Variants in CYTH1 observed in about 807,000 individuals in gnomAD.
The protein encoded by CYTH1 is cytohesin-1.
Under a neutral mutation model 61.8 loss-of-function variants are expected in CYTH1, and 18 were observed. The ratio of observed to expected loss-of-function variants is 0.29; its 90% CI spans 0.20 to 0.43. CYTH1 has a LOEUF of 0.43. Among genes scored for constraint, CYTH1 ranks in the 20% least tolerant of loss-of-function variants. The pLI, the probability that CYTH1 is intolerant of heterozygous loss-of-function variation, is 1.00. For missense variants in CYTH1, 336 were observed against 510.5 expected, an observed-to-expected ratio of 0.66 and a Z score of 3.29; for synonymous variants, 174 against 184.3, an observed-to-expected ratio of 0.94 and a Z score of 0.45.
At position 78,715,119 on chromosome 17, in the gene CYTH1, A is replaced by G. The variant is rs77461688; in HGVS notation, c.23-5387T>C. On this transcript the variant is annotated intron_variant, in intron 1 of 13. Transcript: ENST00000446868. ...TTTTAAATCCCACAGAGAAATTCTC[A>G]TAGGAAAAATTCAGAAGTTCCAGGA... is the stretch of plus-strand genomic sequence containing the variant. Among the ~76,000 whole-genome samples, 1,123 of 152,326 alleles carry G rather than the reference A, an allele frequency of 7.4e-3. 11 individuals carry two copies. Among genetic ancestry groups the G allele is most frequent in the African/African-American group, 0.026 (1,093 of 41,572 alleles).
intron 1 of CYTH1, among the ~76,000 whole-genome samples, chr17:78,760,509 ATATATATG>A (rs1190734161): frequency 8.7e-5 from 4 of 45,932 alleles, no homozygotes; most frequent in African/African-American, 4.9e-4. Context: ...ATATATATGT[ATATATATG>A]TATATATATA....
At chr17:78,692,118 T>G in intron 11 of CYTH1, 1 of 348,124 alleles carries the variant, frequency 2.9e-6, no homozygotes, top group Non-Finnish European at 5.3e-6. Flanking sequence ...AATTCATTCT[T>G]TCTAGCCCAG....
Position 78,754,113 on chromosome 17 carries a change from C to G in CYTH1, c.22+28089G>C, listed in dbSNP as rs1031207682. Among the ~76,000 whole-genome samples the G allele has an allele frequency of 3.3e-5, 5 of 152,012 alleles. 1 individual carries two copies. The South Asian group carries it at 1.0e-3, about 32-fold the overall frequency. Reference sequence around the variant, plus strand: ...ATGTCACATTGTGTGTCAGGACCGTCGTGGACAAAGCGACCGGCTACTGAG... The same window carrying G: ...ATGTCACATTGTGTGTCAGGACCGTGGTGGACAAAGCGACCGGCTACTGAG... On this transcript the variant is annotated intron_variant, in intron 1 of 13. Coordinates refer to ENST00000446868, the MANE Select transcript of CYTH1 (RefSeq NM_004762.6).
intron 1 of CYTH1, among the ~76,000 whole-genome samples, chr17:78,767,746 G>T (rs892166893): frequency 3.8e-4 from 57 of 151,912 alleles, no homozygotes; most frequent in African/African-American, 1.3e-3. Context: ...GAGGTCTAGA[G>T]GTAACACCAG....
At chr17:78,772,148 C>A (rs1383743470) in intron 1 of CYTH1, among the ~76,000 whole-genome samples, 1 of 152,118 alleles carries the variant, frequency 6.6e-6, no homozygotes, top group Non-Finnish European at 1.5e-5. Flanking sequence ...AGGCAAAGTT[C>A]TTTTCTTTAG....
At chr17:78,706,632 T>C (rs1046482102) in intron 3 of CYTH1, among the ~76,000 whole-genome samples, 1 of 152,252 alleles carries the variant, frequency 6.6e-6, no homozygotes, top group Admixed American at 6.5e-5. Context: ...TTCATTTCTC[T>C]TAAGTAACTA....
intron 3 of CYTH1, 66 bp downstream of exon 3, chr17:78,708,131 A>G: frequency 6.5e-7 from 1 of 1,531,316 alleles, no homozygotes; most frequent in South Asian, 1.1e-5. Context: ...ACGTAAGCAT[A>G]ATTAAGGCCT....
chr17:78,760,432 CATAT>C (rs1284170425), intron 1 of CYTH1, among the ~76,000 whole-genome samples: 2 of 41,148 alleles, frequency 4.9e-5, no homozygotes, highest in South Asian at 7.5e-4. Context: ...TATACACATA[CATAT>C]ATATATGTAT....
At chr17:78,721,708 T>G (rs1203610417) in intron 1 of CYTH1, among the ~76,000 whole-genome samples, 1 of 152,182 alleles carries the variant, frequency 6.6e-6, no homozygotes, top group African/African-American at 2.4e-5. Context: ...TCCTCACTTA[T>G]GTAATGAGGA....
chr17:78,692,483 T>C lies in CYTH1; in HGVS notation c.825A>G (p.Val275=). ...TGAACCAGCGTCTCTTCCAAGTCTT[T>C]ACCCTGCCACCTGCAGAGCAAAAAG... ...GWLLKLGGGR[V]KTWKRRWFIL... The change falls in exon 11 of 14, where the codon GTA becomes GTG. Residue 275 remains valine (V), a synonymous_variant. Transcript: ENST00000446868. 6.2e-7 allele frequency: 1 copy of C among 1,613,968 alleles called. No individual in the cohort carries two copies. Among genetic ancestry groups the C allele is most frequent in the Non-Finnish European group, 8.5e-7 (1 of 1,179,982 alleles).
Position 78,676,357 on chromosome 17 carries a change from C to T in CYTH1, c.1119-188G>A, listed in dbSNP as rs755555483. 483 of 590,646 alleles carry T rather than the reference C, an allele frequency of 8.2e-4. 3 individuals are homozygous for T. Among genetic ancestry groups the T allele is most frequent in the Non-Finnish European group, 1.2e-3 (410 of 338,156 alleles). 36.6% of individuals were successfully genotyped at this position (590,646 alleles called of 1,614,324 possible). On this transcript the variant is annotated intron_variant, in intron 13 of 13. Transcript: ENST00000446868. The stretch of plus-strand genomic sequence containing the variant: ...CACAGTGACCTAAGGTGACACACTT[C>T]GAAAGAGACACAGGAACACGTGACA...
intron 1 of CYTH1, among the ~76,000 whole-genome samples, chr17:78,780,507 C>A (rs1355522999): frequency 6.6e-6 from 1 of 152,154 alleles, no homozygotes; most frequent in East Asian, 1.9e-4. Flanking sequence ...GAGAGCTAGA[C>A]CCTGTCTCAA....
chr17:78,733,965 C>T (rs763560743), intron 1 of CYTH1, among the ~76,000 whole-genome samples: 17 of 152,152 alleles, frequency 1.1e-4, no homozygotes, highest in Non-Finnish European at 2.4e-4. Flanking sequence ...AAAGGCAAAT[C>T]AAGGCCGGGC....
chr17:78,682,681 C>T (rs908431868), intron 11 of CYTH1, among the ~76,000 whole-genome samples: 3 of 152,218 alleles, frequency 2.0e-5, no homozygotes, highest in Non-Finnish European at 2.9e-5. Context: ...CTAGGCTGGA[C>T]GTGACCCTCC....
At chr17:78,776,646 G>A (rs1218057545) in intron 1 of CYTH1, among the ~76,000 whole-genome samples, 5 of 135,822 alleles carry the variant, frequency 3.7e-5, no homozygotes, top group South Asian at 2.4e-4. Flanking sequence ...ACAACAGAGC[G>A]AGACTCTGTC....
At chr17:78,721,017 C>T (rs995890075) in intron 1 of CYTH1, among the ~76,000 whole-genome samples, 2 of 152,216 alleles carry the variant, frequency 1.3e-5, no homozygotes, top group African/African-American at 2.4e-5. Flanking sequence ...CACCAATTTG[C>T]AGCCTAAGAG....
At chr17:78,720,250 C>A (rs1253155117) in intron 1 of CYTH1, among the ~76,000 whole-genome samples, 1 of 152,136 alleles carries the variant, frequency 6.6e-6, no homozygotes, top group African/African-American at 2.4e-5. Flanking sequence ...ATGTATTTTA[C>A]CACCATTAAA....
chr17:78,780,868 G>C (rs962687818), intron 1 of CYTH1, among the ~76,000 whole-genome samples: 33 of 152,070 alleles, frequency 2.2e-4, no homozygotes, highest in African/African-American at 6.0e-4. Flanking sequence ...TTAGACAGGC[G>C]TGGTGGCACG....
chr17:78,756,096 G>A (rs755694540), intron 1 of CYTH1, among the ~76,000 whole-genome samples: 10 of 131,272 alleles, frequency 7.6e-5, no homozygotes, highest in South Asian at 4.7e-4. Flanking sequence ...TTTTTTTTGA[G>A]ACAGAGTCTT....
Sources: allele counts gnomAD v4.1 joint callset (sites outside exome capture counted in the v4.1 genomes callset), GRCh38; gene constraint gnomAD v4.1.1; transcripts MANE v1.5; gene names NCBI Gene and HGNC (gene_info 2026-07-23, HGNC 2026-07-21).